RAD9A: variants seen among roughly 807,000 people sequenced by gnomAD.
RAD9A encodes RAD9 checkpoint clamp component A.
A neutral mutation model predicts 41.2 loss-of-function variants in RAD9A; 25 were observed. That is an observed-to-expected ratio of 0.61 (90% confidence interval 0.44 to 0.85). RAD9A has a LOEUF of 0.85. RAD9A is among the 40% of genes least tolerant of loss of function. RAD9A has a pLI of 0.00. For synonymous variants in RAD9A, 252 were observed against 210.6 expected (o/e 1.20, Z -1.70); for missense variants, 514 against 518.3 (o/e 0.99, Z 0.08).
rs936019007 is a variant in RAD9A, at chr11:67,392,917, G to A, written c.234+135G>A. 4.0e-6 allele frequency: 5 copies of A among 1,237,890 alleles called. No individual in the cohort carries two copies. In the African/African-American group the frequency reaches 6.0e-5, roughly 15 times the overall value. 76.7% of individuals were successfully genotyped at this position (1,237,890 alleles called of 1,614,324 possible). A position where few individuals can be genotyped will look rare whatever the true frequency, so the allele number is the denominator to read the frequency against. On this transcript the variant is annotated intron_variant, in intron 3 of 10. Coordinates refer to ENST00000307980, the MANE Select transcript of RAD9A (RefSeq NM_004584.3). ...AAGCCCAATCCATGCAAAACACAGGGAGGGCCATGGTAAAAGCATCACAGC... is the reference window on the plus strand; with the variant it reads ...AAGCCCAATCCATGCAAAACACAGGAAGGGCCATGGTAAAAGCATCACAGC...
chr11:67,395,625 G>A (rs1438111789), intron 5 of RAD9A, 91 bp from the exon 6 acceptor site: 19 of 951,820 alleles, frequency 2.0e-5, no homozygotes, highest in East Asian at 1.3e-4. Flanking sequence ...ACATCCGTGC[G>A]TGTGCATGTG....
chr11:67,393,818 C>A, intron 5 of RAD9A, 28 bp downstream of exon 5: 2 of 1,527,016 alleles, frequency 1.3e-6, no homozygotes, highest in African/African-American at 2.8e-5. Context: ...CTCAGCTCAG[C>A]CCCGGGTCTC....
chr11:67,394,575 G>C (rs1370236904), intron 5 of RAD9A, among the ~76,000 whole-genome samples: 2 of 152,042 alleles, frequency 1.3e-5, no homozygotes, highest in Non-Finnish European at 2.9e-5. Context: ...AGCTCTTTTG[G>C]GTAGTGAGAG....
chr11:67,397,938 G>C lies in RAD9A; in HGVS notation c.*379G>C. On this transcript the variant is annotated 3_prime_UTR_variant, in exon 11 of 11. Coordinates refer to ENST00000307980, the MANE Select transcript of RAD9A (RefSeq NM_004584.3). ...GGTGCTGCTGGCCCCTGGTGATCCAGCTTCTCTGCCAATCATGACCTGTTC... is the reference window on the plus strand; with the variant it reads ...GGTGCTGCTGGCCCCTGGTGATCCACCTTCTCTGCCAATCATGACCTGTTC... 4.2e-6 allele frequency: 1 copy of C among 236,352 alleles called. No individual in the cohort carries two copies. Among genetic ancestry groups the C allele is most frequent in the Non-Finnish European group, 8.3e-6 (1 of 121,006 alleles). 14.6% of individuals were successfully genotyped at this position (236,352 alleles called of 1,614,324 possible). A position where few individuals can be genotyped will look rare whatever the true frequency, so the allele number is the denominator to read the frequency against.
chr11:67,392,774 C>T lies in RAD9A; in HGVS notation c.226C>T (p.Leu76=). Residue 76 remains leucine (L), a synonymous_variant, in exon 3 of 11, where the codon CTG becomes TTG. Coordinates refer to ENST00000307980, the MANE Select transcript of RAD9A (RefSeq NM_004584.3). ...PGQDLLRCKI[L]MKSFLSVFRS... Reference sequence around the variant, plus strand: ...TCAGGACCTGCTGCGCTGTAAGATCCTGATGAAGGTGAGGCCCTTCCCTCA... The same window carrying T: ...TCAGGACCTGCTGCGCTGTAAGATCTTGATGAAGGTGAGGCCCTTCCCTCA... 1 of 1,614,020 alleles carries T rather than the reference C, an allele frequency of 6.2e-7. No individual in the cohort carries two copies. Among genetic ancestry groups the T allele is most frequent in the African/African-American group, 1.3e-5 (1 of 75,018 alleles).
Position 67,396,264 on chromosome 11 carries a change from CCCG to C in RAD9A, c.739_741del (p.Ala247del), listed in dbSNP as rs1290560782. On this transcript the variant is annotated inframe_deletion and splice_region_variant, in exon 9 of 11. Transcript: ENST00000307980. ...GCTTGGGCCCCCTCCCCTGCCCAGG[CCCG>C]CCATCTTCACCATCAAGGACTCTTT... The C allele has an allele frequency of 2.5e-6, 4 of 1,614,058 alleles. No homozygotes were observed. The highest frequency in any genetic ancestry group is 1.7e-5 in the Admixed American group (1 of 60,016).
In RAD9A at chr11:67,393,434, A is replaced by G; in HGVS notation, c.235-62A>G. 6 of 1,588,318 alleles carry G rather than the reference A, an allele frequency of 3.8e-6. 1 individual carries two copies. The South Asian group carries it at 6.8e-5, about 18-fold the overall frequency. ...GGGCCCATGATGGGTGTGGGCCTGC[A>G]TGGGACAGGAGAGCTTGTTGCAGAG... On this transcript the variant is annotated intron_variant, in intron 3 of 10. Coordinates refer to ENST00000307980, the MANE Select transcript of RAD9A (RefSeq NM_004584.3).
At position 67,393,487 on chromosome 11, in the gene RAD9A, C is replaced by T. The variant is rs767286791; in HGVS notation, c.235-9C>T. On this transcript the variant is annotated splice_polypyrimidine_tract_variant and intron_variant, in intron 3 of 10. Coordinates refer to ENST00000307980, the MANE Select transcript of RAD9A (RefSeq NM_004584.3). ...GTGATGCTAGGCTGAGGTGTCTTAT[C>T]CCATGCAGTCTTTCCTGTCTGTCTT... 3 of 1,614,006 alleles carry T rather than the reference C, an allele frequency of 1.9e-6. No homozygotes were observed.
At position 67,398,224 on chromosome 11, in the gene RAD9A, T is replaced by G. The variant is rs1171393601; in HGVS notation, c.*665T>G. ...CCTTTATTCAAGAGACCAGATGGGT[T>G]GCCCCAGGATCCGGCTGCCAGCCCT... On this transcript the variant is annotated 3_prime_UTR_variant, in exon 11 of 11. Transcript: ENST00000307980. The G allele has an allele frequency of 4.8e-6, 2 of 415,406 alleles. No individual in the cohort carries two copies. The highest frequency in any genetic ancestry group is 8.7e-6 in the Non-Finnish European group (2 of 229,632). 25.7% of individuals were successfully genotyped at this position (415,406 alleles called of 1,614,324 possible). A position where few individuals can be genotyped will look rare whatever the true frequency, so the allele number is the denominator to read the frequency against.
rs374614235 is a variant in RAD9A, at chr11:67,397,449, T to G, written c.1081-15T>G. 6.2e-7 allele frequency: 1 copy of G among 1,603,568 alleles called. No homozygotes were observed. Among genetic ancestry groups the G allele is most frequent in the Non-Finnish European group, 8.5e-7 (1 of 1,171,038 alleles). ...GAAGGGAGCAGCCTCCAGAACTCAC[T>G]TGTTCTCTTTCCAGTTCCGCTCACT... is the stretch of plus-strand genomic sequence containing the variant. On this transcript the variant is annotated splice_polypyrimidine_tract_variant and intron_variant, in intron 10 of 10. Transcript: ENST00000307980.
chr11:67,395,677 G>A (rs961644787), intron 5 of RAD9A, 39 bp from the exon 6 acceptor site: 6 of 1,500,382 alleles, frequency 4.0e-6, no homozygotes, highest in Non-Finnish European at 3.6e-6. Flanking sequence ...GCCCTGGGCA[G>A]GGCCAGGCAT....
chr11:67,392,996 T>TTTTGGCC, intron 3 of RAD9A: 1 of 728,484 alleles, frequency 1.4e-6, no homozygotes, highest in Middle Eastern at 4.4e-4. Context: ...TAAGCACGTC[T>TTTTGGCC]TTTGGCCGGG....
intron 9 of RAD9A, among the ~76,000 whole-genome samples, chr11:67,396,628 A>G (rs1224541194): frequency 2.0e-5 from 3 of 152,030 alleles, no homozygotes; most frequent in Non-Finnish European, 2.9e-5. Flanking sequence ...AAGCATCCCC[A>G]AGGCCCTGCC....
At chr11:67,395,616 C>A in intron 5 of RAD9A, 100 bp from the exon 6 acceptor site, 1 of 893,996 alleles carries the variant, frequency 1.1e-6, no homozygotes. Context: ...GGCCTGCGCA[C>A]ATCCGTGCGT....
At chr11:67,392,266 C>A in intron 2 of RAD9A, 35 bp downstream of exon 2, 1 of 1,481,902 alleles carries the variant, frequency 6.7e-7, no homozygotes, top group Non-Finnish European at 9.2e-7. Context: ...GGGTGGGACT[C>A]CAGCCGGGAG....
intron 3 of RAD9A, 30 bp downstream of exon 3, chr11:67,392,812 C>G: frequency 6.2e-7 from 1 of 1,611,302 alleles, no homozygotes; most frequent in South Asian, 1.1e-5. Flanking sequence ...AGTGGCACTA[C>G]TCCACCCCAG....
intron 3 of RAD9A, chr11:67,393,062 A>T (rs1862577749): frequency 2.4e-6 from 1 of 421,134 alleles, no homozygotes; most frequent in Admixed American, 3.7e-5. Flanking sequence ...CAGGCGGATC[A>T]CGAGGTCAGG....
At position 67,397,686 on chromosome 11, in the gene RAD9A, C is replaced by G; in HGVS notation, c.*127C>G. On this transcript the variant is annotated 3_prime_UTR_variant, in exon 11 of 11. Coordinates refer to ENST00000307980, the MANE Select transcript of RAD9A (RefSeq NM_004584.3). ...TGCTGGAGCTGAGCTGTTTCACTGC[C>G]TCTCGCAGGCCCCAGCTGGCTGTCA... 1 of 862,268 alleles carries G rather than the reference C, an allele frequency of 1.2e-6. No individual in the cohort carries two copies. Among genetic ancestry groups the G allele is most frequent in the Non-Finnish European group, 1.8e-6 (1 of 569,440 alleles). The allele number at this position is 862,268 out of a possible 1,614,324, so 53.4% of individuals were successfully genotyped here.
chr11:67,397,318 G>A lies in RAD9A; in HGVS notation c.1012G>A (p.Gly338Ser), dbSNP rs762005964. 6.1e-4 allele frequency: 629 copies of A among 1,038,830 alleles called. 1 individual carries two copies. Among genetic ancestry groups the A allele is most frequent in the Non-Finnish European group, 8.1e-4 (584 of 721,328 alleles). 64.4% of individuals were successfully genotyped at this position (1,038,830 alleles called of 1,614,324 possible). ...SPGPQPPKSPGPHSEEEDEAE... is the reference protein window; with the variant it reads ...SPGPQPPKSPSPHSEEEDEAE... Reference sequence around the variant, plus strand: ...TGGCCCCCAGCCCCCCAAGAGCCCCGGTCCCCACTCCGAGGAGGAAGATGA... The same window carrying A: ...TGGCCCCCAGCCCCCCAAGAGCCCCAGTCCCCACTCCGAGGAGGAAGATGA... Residue 338 changes from glycine to serine, a missense_variant, in exon 10 of 11, where the codon GGT (glycine) becomes AGT (serine). Transcript: ENST00000307980.
Sources: gnomAD v4.1 joint callset for allele counts (sites outside exome capture counted in the v4.1 genomes callset) on GRCh38, gnomAD v4.1.1 for gene constraint, MANE v1.5 for transcripts, NCBI Gene and HGNC (gene_info 2026-07-23, HGNC 2026-07-21) for gene names.